LRP1B: variants seen among roughly 807,000 people sequenced by gnomAD.
LRP1B encodes low-density lipoprotein receptor-related protein 1B.
Under a neutral mutation model 556.6 loss-of-function variants are expected in LRP1B, and 217 were observed. The ratio of observed to expected loss-of-function variants is 0.39; its 90% confidence interval spans 0.35 to 0.44. LRP1B has a LOEUF of 0.44. LRP1B is among the 20% of genes least tolerant of loss of function. The pLI, the probability that LRP1B is intolerant of heterozygous loss-of-function variation, is 1.00. For synonymous variants in LRP1B, 2,047 were observed against 1,865.8 expected (o/e 1.10, Z -2.50); for missense variants, 5,053 against 5,620.8 (o/e 0.90, Z 3.23).
chr2:140,397,305 T>C (rs1416244231), intron 66 of LRP1B, among the ~76,000 whole-genome samples: 1 of 152,230 alleles, frequency 6.6e-6, no homozygotes, highest in East Asian at 1.9e-4. Context: ...AAGCCCAGCA[T>C]GCATTAGCTA....
chr2:141,948,562 A>G (rs1701020286), intron 1 of LRP1B, among the ~76,000 whole-genome samples: 1 of 152,030 alleles, frequency 6.6e-6, no homozygotes. Context: ...CACTCTATTC[A>G]GTTAATAAAA....
At chr2:140,738,106 C>T (rs1000539532) in intron 35 of LRP1B, among the ~76,000 whole-genome samples, 4 of 152,094 alleles carry the variant, frequency 2.6e-5, no homozygotes, top group African/African-American at 9.7e-5. Flanking sequence ...GCACTTTTGC[C>T]TAAGAGCCAC....
chr2:140,653,823 G>A (rs1484252424), intron 41 of LRP1B, among the ~76,000 whole-genome samples: 3 of 151,702 alleles, frequency 2.0e-5, no homozygotes, highest in African/African-American at 7.3e-5. Flanking sequence ...TCAGAAGTTC[G>A]AGGCCAGCCT....
chr2:140,647,427 T>C (rs1315826840), intron 41 of LRP1B, among the ~76,000 whole-genome samples: 1 of 152,076 alleles, frequency 6.6e-6, no homozygotes, highest in African/African-American at 2.4e-5. Context: ...TAAATAATTA[T>C]TGAGTGTTTA....
chr2:140,806,724 C>G (rs1690729878), intron 32 of LRP1B, among the ~76,000 whole-genome samples: 1 of 151,852 alleles, frequency 6.6e-6, no homozygotes, highest in African/African-American at 2.4e-5. Flanking sequence ...TTATTCATAC[C>G]CTCAGTTCTA....
intron 77 of LRP1B, among the ~76,000 whole-genome samples, chr2:140,343,305 T>G (rs748123053): frequency 2.0e-5 from 3 of 151,602 alleles, no homozygotes; most frequent in Non-Finnish European, 3.0e-5. Flanking sequence ...CTGATCATTT[T>G]TTAAAAGTAG....
chr2:141,878,494 T>C (rs568644111), intron 1 of LRP1B, among the ~76,000 whole-genome samples: 1 of 151,596 alleles, frequency 6.6e-6, no homozygotes, highest in South Asian at 2.1e-4. Flanking sequence ...ATCAAAGAGT[T>C]GATAGGCAAT....
chr2:141,473,506 C>T (rs1682559446), intron 3 of LRP1B, among the ~76,000 whole-genome samples: 1 of 152,138 alleles, frequency 6.6e-6, no homozygotes, highest in African/African-American at 2.4e-5. Flanking sequence ...ACTAAACTAA[C>T]TCAGTTACTT....
intron 1 of LRP1B, among the ~76,000 whole-genome samples, chr2:141,881,272 G>T (rs1698949831): frequency 6.6e-6 from 1 of 152,088 alleles, no homozygotes; most frequent in African/African-American, 2.4e-5. Flanking sequence ...GCAAATAAAT[G>T]TGGGTTTAAT....
chr2:141,293,012 T>C (rs911464911), intron 3 of LRP1B, among the ~76,000 whole-genome samples: 5 of 152,156 alleles, frequency 3.3e-5, no homozygotes, highest in African/African-American at 1.2e-4. Context: ...TTCTACGTAC[T>C]ATCTTCTCAA....
chr2:141,159,274 T>C (rs145148092), intron 7 of LRP1B, among the ~76,000 whole-genome samples: 1,668 of 152,306 alleles, frequency 0.011, 13 homozygotes, highest in Non-Finnish European at 0.016. Context: ...ATTTTACAGT[T>C]GATTAGCCTG....
At chr2:140,484,966 C>T (rs1688406987) in intron 59 of LRP1B, among the ~76,000 whole-genome samples, 1 of 152,086 alleles carries the variant, frequency 6.6e-6, no homozygotes, top group South Asian at 2.1e-4. Context: ...ATTACTTTGT[C>T]CATATTTGTG....
chr2:140,526,534 C>T (rs1690443154), intron 47 of LRP1B, among the ~76,000 whole-genome samples, 184 bp from the exon 48 acceptor site: 1 of 151,040 alleles, frequency 6.6e-6, no homozygotes, highest in Non-Finnish European at 1.5e-5. Context: ...ATATGTCTTC[C>T]CCTATCACAC....
intron 1 of LRP1B, among the ~76,000 whole-genome samples, chr2:142,106,624 A>G (rs1706755469): frequency 6.6e-6 from 1 of 152,172 alleles, no homozygotes; most frequent in Non-Finnish European, 1.5e-5. Context: ...GTCACTTGGA[A>G]TATGCCATTG....
chr2:140,643,913 A>G (rs1684387888), intron 41 of LRP1B, among the ~76,000 whole-genome samples: 1 of 152,186 alleles, frequency 6.6e-6, no homozygotes, highest in African/African-American at 2.4e-5. Flanking sequence ...AACAGTAGGA[A>G]AGGTGGGGGG....
intron 1 of LRP1B, among the ~76,000 whole-genome samples, chr2:141,916,423 G>T (rs4644966): frequency 6.6e-6 from 1 of 151,606 alleles, no homozygotes; most frequent in Non-Finnish European, 1.5e-5. Flanking sequence ...GGAGTGCAGC[G>T]GCACAATCTC....
At chr2:141,505,078 G>A (rs1683871666) in intron 2 of LRP1B, among the ~76,000 whole-genome samples, 2 of 149,920 alleles carry the variant, frequency 1.3e-5, no homozygotes, top group South Asian at 2.1e-4. Flanking sequence ...TGTTTGAGAA[G>A]AATAAATCCC....
At chr2:141,249,681 G>C (rs930230613) in intron 4 of LRP1B, among the ~76,000 whole-genome samples, 2 of 151,944 alleles carry the variant, frequency 1.3e-5, no homozygotes, top group Admixed American at 6.6e-5. Flanking sequence ...CATGACTACT[G>C]TAAGAAAAAA....
chr2:141,343,219 G>C (rs563413149), intron 3 of LRP1B, among the ~76,000 whole-genome samples: 16 of 152,190 alleles, frequency 1.1e-4, no homozygotes, highest in African/African-American at 3.9e-4. Context: ...TTTCAGCATT[G>C]TAGTTTTCAT....
Sources: allele counts gnomAD v4.1 joint callset (sites outside exome capture counted in the v4.1 genomes callset), GRCh38; gene constraint gnomAD v4.1.1; transcripts MANE v1.5; gene names NCBI Gene and HGNC (gene_info 2026-07-23, HGNC 2026-07-21).